Variants in SYNDIG1 observed in about 807,000 individuals in gnomAD.
SYNDIG1 encodes the protein synapse differentiation-inducing gene protein 1.
SYNDIG1 carries 9 observed loss-of-function variants against 19.4 expected under a neutral mutation model. That is an observed-to-expected ratio of 0.46 (90% CI 0.28 to 0.81). SYNDIG1 has a LOEUF of 0.81. Among genes scored for constraint, SYNDIG1 ranks in the 30% least tolerant of loss-of-function variants. The pLI is 0.12. For synonymous variants in SYNDIG1, 141 were observed against 145.9 expected, an observed-to-expected ratio of 0.97 and a Z score of 0.24; for missense variants, 311 against 343.3, an observed-to-expected ratio of 0.91 and a Z score of 0.74.
At chr20:24,527,741 G>C (rs983091751) in intron 1 of SYNDIG1, among the ~76,000 whole-genome samples, 2 of 152,150 alleles carry the variant, frequency 1.3e-5, no homozygotes, top group African/African-American at 4.8e-5. Flanking sequence ...CAGAACAGTG[G>C]TTCTCAGAGT....
At chr20:24,662,123 C>A (rs566202157) in intron 3 of SYNDIG1, among the ~76,000 whole-genome samples, 13 of 151,844 alleles carry the variant, frequency 8.6e-5, no homozygotes, top group Admixed American at 2.0e-4. Context: ...TGTGACCCAG[C>A]GGTGGTACGA....
intron 3 of SYNDIG1, among the ~76,000 whole-genome samples, chr20:24,638,266 A>G (rs1049524484): frequency 1.3e-5 from 2 of 152,240 alleles, no homozygotes; most frequent in African/African-American, 4.8e-5. Flanking sequence ...CGGATTTTTT[A>G]AAAAAGGGAA....
rs572001347 is a variant in SYNDIG1 at position 24,654,650 on chromosome 20, GAGGAAGGAAGGAAGGA to G, written c.619-10661_619-10646del. ...GGGAGGAAGGAGAGAGGGAGGGAGG[GAGGAAGGAAGGAAGGA>G]AGGAAGGAAGGAAGGAAGGAAGGAA... is the stretch of plus-strand genomic sequence containing the variant. On this transcript the variant is annotated intron_variant, in intron 3 of 3. Transcript: ENST00000376862. Among the ~76,000 whole-genome samples the G allele has an allele frequency of 1.1e-3, 124 of 117,456 alleles. 1 individual carries two copies. Among genetic ancestry groups the G allele is most frequent in the Non-Finnish European group, 1.5e-3 (85 of 58,302 alleles). The allele number at this position is 117,456 out of a possible 152,430, so 77.1% of individuals were successfully genotyped here. A position where few individuals can be genotyped will look rare whatever the true frequency, so the allele number is the denominator to read the frequency against.
At chr20:24,603,027 C>A (rs185998138) in intron 3 of SYNDIG1, among the ~76,000 whole-genome samples, 1 of 152,230 alleles carries the variant, frequency 6.6e-6, no homozygotes, top group Admixed American at 6.5e-5. Context: ...GGGACGAAGG[C>A]CATACAGCTC....
intron 1 of SYNDIG1, among the ~76,000 whole-genome samples, chr20:24,472,715 G>A (rs1353394928): frequency 1.3e-5 from 2 of 152,194 alleles, no homozygotes; most frequent in Non-Finnish European, 2.9e-5. Flanking sequence ...GGCATGGCAC[G>A]CAGGGAGGCA....
At chr20:24,622,389 T>C (rs1429347687) in intron 3 of SYNDIG1, among the ~76,000 whole-genome samples, 2 of 152,128 alleles carry the variant, frequency 1.3e-5, no homozygotes, top group African/African-American at 2.4e-5. Context: ...CAATACAAAA[T>C]AGTGTAACAC....
chr20:24,482,472 G>C (rs1410118332), intron 1 of SYNDIG1, among the ~76,000 whole-genome samples: 2 of 152,186 alleles, frequency 1.3e-5, no homozygotes, highest in African/African-American at 2.4e-5. Context: ...CTCAGTAAAG[G>C]CACCTGAGGC....
intron 3 of SYNDIG1, among the ~76,000 whole-genome samples, chr20:24,621,940 G>T (rs2059045466): frequency 6.6e-6 from 1 of 152,152 alleles, no homozygotes; most frequent in African/African-American, 2.4e-5. Flanking sequence ...ATTCTCACTT[G>T]AAAGTCTTAT....
At chr20:24,636,505 C>A (rs1045706668) in intron 3 of SYNDIG1, among the ~76,000 whole-genome samples, 2 of 152,190 alleles carry the variant, frequency 1.3e-5, no homozygotes, top group Non-Finnish European at 2.9e-5. Flanking sequence ...ATTGGTTGGA[C>A]CAGGTGTGCC....
At chr20:24,647,771 A>C (rs140981079) in intron 3 of SYNDIG1, among the ~76,000 whole-genome samples, 36 of 150,336 alleles carry the variant, frequency 2.4e-4, no homozygotes, top group Non-Finnish European at 4.7e-4. Flanking sequence ...CAGCAACTAG[A>C]TACACGCAAG....
chr20:24,503,729 A>G (rs560864171), intron 1 of SYNDIG1, among the ~76,000 whole-genome samples: 2 of 151,916 alleles, frequency 1.3e-5, no homozygotes, highest in South Asian at 4.2e-4. Flanking sequence ...TAACTTTCCT[A>G]CAGCTCTTAT....
chr20:24,504,349 G>A (rs936748503), intron 1 of SYNDIG1, among the ~76,000 whole-genome samples: 6 of 150,854 alleles, frequency 4.0e-5, no homozygotes, highest in African/African-American at 9.8e-5. Flanking sequence ...TAGGTAGCCC[G>A]GGGAGCAATG....
chr20:24,498,874 C>A (rs1054737506), intron 1 of SYNDIG1, among the ~76,000 whole-genome samples: 2 of 152,146 alleles, frequency 1.3e-5, no homozygotes, highest in Non-Finnish European at 2.9e-5. Flanking sequence ...CTGCAGGGAA[C>A]ACGGGTGTGC....
intron 1 of SYNDIG1, among the ~76,000 whole-genome samples, chr20:24,520,872 A>G (rs956468195): frequency 1.5e-4 from 23 of 152,156 alleles, no homozygotes; most frequent in Non-Finnish European, 3.2e-4. Flanking sequence ...GTACAATTCA[A>G]TGGCATTAAA....
intron 3 of SYNDIG1, among the ~76,000 whole-genome samples, chr20:24,656,735 C>T (rs1281227624): frequency 6.6e-6 from 1 of 152,244 alleles, no homozygotes; most frequent in Non-Finnish European, 1.5e-5. Context: ...GCAGTGCCAG[C>T]CCCGCAGCCC....
At chr20:24,595,646 C>T (rs930179511) in intron 3 of SYNDIG1, among the ~76,000 whole-genome samples, 3 of 152,112 alleles carry the variant, frequency 2.0e-5, no homozygotes, top group African/African-American at 7.2e-5. Context: ...GCTAAGCTTT[C>T]TATTTCTGAT....
chr20:24,581,763 A>T (rs1229368331), intron 2 of SYNDIG1, among the ~76,000 whole-genome samples: 1 of 152,028 alleles, frequency 6.6e-6, no homozygotes, highest in South Asian at 2.1e-4. Context: ...TCCATGTTGC[A>T]TGTGCTCCAT....
intron 3 of SYNDIG1, among the ~76,000 whole-genome samples, chr20:24,636,026 T>G (rs553635300): frequency 1.2e-4 from 18 of 152,382 alleles, no homozygotes; most frequent in African/African-American, 4.1e-4. Flanking sequence ...TGACTGTCGT[T>G]GACCCAGCTG....
intron 1 of SYNDIG1, among the ~76,000 whole-genome samples, chr20:24,482,982 G>A (rs2055840468): frequency 6.6e-6 from 1 of 152,134 alleles, no homozygotes; most frequent in Admixed American, 6.5e-5. Context: ...TCTATGCATT[G>A]GTATGATTTG....
Sources: allele counts gnomAD v4.1 joint callset (sites outside exome capture counted in the v4.1 genomes callset), GRCh38; gene constraint gnomAD v4.1.1; transcripts MANE v1.5; gene names NCBI Gene and HGNC (gene_info 2026-07-23, HGNC 2026-07-21).